The following NCAM2 variants were observed in gnomAD, a reference collection of about 807,000 sequenced individuals.
The protein encoded by NCAM2 is N-CAM-2.
Under a neutral mutation model 98.1 loss-of-function variants are expected in NCAM2, and 30 were observed. The ratio of observed to expected loss-of-function variants is 0.31; its 90% CI spans 0.23 to 0.41. NCAM2 has a LOEUF of 0.41. Ranked by LOEUF, NCAM2 falls within the 10% of genes least tolerant of loss-of-function variation. The pLI is 1.00. For synonymous variants in NCAM2, 368 were observed against 342.4 expected (o/e 1.07, Z -0.83); for missense variants, 867 against 1,005.8 (o/e 0.86, Z 1.87).
At chr21:21,439,444 A>G (rs2146072558) in intron 12 of NCAM2, among the ~76,000 whole-genome samples, 1 of 152,256 alleles carries the variant, frequency 6.6e-6, no homozygotes, top group African/African-American at 2.4e-5. Context: ...GTTTAATTTT[A>G]GCAAAAGTTT....
intron 1 of NCAM2, among the ~76,000 whole-genome samples, chr21:21,242,413 G>T (rs1275861899): frequency 6.6e-6 from 1 of 152,076 alleles, no homozygotes; most frequent in African/African-American, 2.4e-5. Context: ...TAGTCATTCT[G>T]TACAATAGAT....
Position 21,530,224 on chromosome 21 carries a change from TTA to T in NCAM2, c.2283-4305_2283-4304del, listed in dbSNP as rs1309403506. Among the ~76,000 whole-genome samples the T allele has an allele frequency of 1.8e-4, 13 of 70,968 alleles. 2 individuals are homozygous for T. Among genetic ancestry groups the T allele is most frequent in the African/African-American group, 7.4e-4 (13 of 17,540 alleles). 46.6% of individuals were successfully genotyped at this position (70,968 alleles called of 152,430 possible). A position where few individuals can be genotyped will look rare whatever the true frequency, so the allele number is the denominator to read the frequency against. On this transcript the variant is annotated intron_variant, in intron 16 of 17. Coordinates refer to ENST00000400546, the MANE Select transcript of NCAM2 (RefSeq NM_004540.5). ...TTATATATAATTTAATTTAATTTAA[TTA>T]TATATATTTAATTTAAATTAATTAT...
chr21:21,338,777 A>T (rs1362181282), intron 8 of NCAM2, among the ~76,000 whole-genome samples: 1 of 152,276 alleles, frequency 6.6e-6, no homozygotes, highest in South Asian at 2.1e-4. Flanking sequence ...TATTGGTATT[A>T]CTAGCATTGC....
At chr21:21,490,940 G>A (rs1446474931) in intron 15 of NCAM2, among the ~76,000 whole-genome samples, 2 of 151,802 alleles carry the variant, frequency 1.3e-5, no homozygotes, top group African/African-American at 4.8e-5. Context: ...CTGTACCTCT[G>A]TGTCTCCATT....
intron 1 of NCAM2, among the ~76,000 whole-genome samples, chr21:21,145,267 AAAAC>A (rs1365366496): frequency 6.6e-6 from 1 of 152,194 alleles, no homozygotes; most frequent in East Asian, 1.9e-4. Context: ...TATAACAAGA[AAAAC>A]AACAAAAACA....
At chr21:21,428,230 C>T (rs3787607) in intron 11 of NCAM2, among the ~76,000 whole-genome samples, 2,636 of 152,192 alleles carry the variant, frequency 0.017, 70 homozygotes, top group East Asian at 0.13. Flanking sequence ...GGATATAAGA[C>T]ACTAGAAAAT....
chr21:21,431,132 T>G (rs1216690506), intron 11 of NCAM2, among the ~76,000 whole-genome samples: 3 of 149,964 alleles, frequency 2.0e-5, no homozygotes, highest in Admixed American at 6.7e-5. Context: ...TTTGTGTGTG[T>G]GTGTGTGTGT....
intron 1 of NCAM2, among the ~76,000 whole-genome samples, chr21:21,078,210 GA>G (rs2065720240): frequency 6.6e-6 from 1 of 152,064 alleles, no homozygotes. Flanking sequence ...TTTTATTAGG[GA>G]AAAATATAGT....
rs748796317 is a variant in NCAM2, at chr21:21,284,369, A to G, written c.306A>G (p.Thr102=). ...AAGCAACAGATGCCAAAGGACAAAC[A>G]CAAGAAGCTACAGTAGTTTTGGAAA... is the stretch of plus-strand genomic sequence containing the variant. ...RCQATDAKGQ[T]QEATVVLEIY... Residue 102 remains threonine (T), a synonymous_variant, in exon 3 of 18, where the codon ACA becomes ACG. Coordinates refer to ENST00000400546, the MANE Select transcript of NCAM2 (RefSeq NM_004540.5). 6.2e-6 allele frequency: 10 copies of G among 1,612,418 alleles called. No individual in the cohort carries two copies. In the South Asian group the frequency reaches 9.9e-5, roughly 16 times the overall value.
intron 6 of NCAM2, among the ~76,000 whole-genome samples, chr21:21,326,557 AT>A (rs754371351): frequency 4.6e-5 from 7 of 151,580 alleles, no homozygotes; most frequent in Admixed American, 2.0e-4. Context: ...TTCTGCAGAG[AT>A]TTTTTTTTCT....
rs548252896 is a variant in NCAM2, at chr21:21,061,077, GA to G, written c.55+62463del. ...AAGGAGTAAGGATTGTATAAGGTGT[GA>G]AAATATGTGACGTTTCAGAGTAGCA... is the stretch of plus-strand genomic sequence containing the variant. On this transcript the variant is annotated intron_variant, in intron 1 of 17. Coordinates refer to ENST00000400546, the MANE Select transcript of NCAM2 (RefSeq NM_004540.5). Among the ~76,000 whole-genome samples, 5 of 152,230 alleles carry G rather than the reference GA, an allele frequency of 3.3e-5. No individual in the cohort carries two copies. The South Asian group carries it at 8.3e-4, about 25-fold the overall frequency.
At chr21:21,172,290 A>C (rs1207467135) in intron 1 of NCAM2, among the ~76,000 whole-genome samples, 1 of 152,138 alleles carries the variant, frequency 6.6e-6, no homozygotes, top group Non-Finnish European at 1.5e-5. Flanking sequence ...ACCCTTATTT[A>C]AGAATATTAT....
intron 9 of NCAM2, among the ~76,000 whole-genome samples, chr21:21,386,165 G>A (rs2076267347): frequency 6.6e-6 from 1 of 152,056 alleles, no homozygotes; most frequent in African/African-American, 2.4e-5. Flanking sequence ...GAATATAACA[G>A]TGGATGTACA....
chr21:21,487,247 C>T (rs912368964), intron 15 of NCAM2, among the ~76,000 whole-genome samples: 1 of 152,070 alleles, frequency 6.6e-6, no homozygotes, highest in African/African-American at 2.4e-5. Flanking sequence ...AGACAGTTTA[C>T]TTGTTTATTT....
intron 1 of NCAM2, among the ~76,000 whole-genome samples, chr21:21,187,211 G>T (rs370778293): frequency 6.6e-6 from 1 of 152,040 alleles, no homozygotes; most frequent in South Asian, 2.1e-4. Flanking sequence ...GCGACAGAGC[G>T]AAACTCCGTC....
intron 17 of NCAM2, 48 bp from the exon 18 acceptor site, chr21:21,537,798 C>T (rs367586007): frequency 2.1e-6 from 2 of 974,068 alleles, no homozygotes; most frequent in Non-Finnish European, 3.1e-6. Context: ...TAAGGTACGT[C>T]TCCTTAAATA....
At chr21:21,242,676 A>G (rs576004827) in intron 1 of NCAM2, among the ~76,000 whole-genome samples, 4 of 152,260 alleles carry the variant, frequency 2.6e-5, no homozygotes, top group Non-Finnish European at 5.9e-5. Flanking sequence ...CTTCCTTTTC[A>G]GCTGAATAGT....
chr21:21,264,913 T>C (rs201838698), intron 1 of NCAM2, among the ~76,000 whole-genome samples: 47 of 88,418 alleles, frequency 5.3e-4, no homozygotes, highest in Non-Finnish European at 8.0e-4. Context: ...TATATACACA[T>C]ATATTAGATA....
chr21:21,437,109 G>A lies in NCAM2; in HGVS notation c.1654+4828G>A, dbSNP rs77738883. ...TTTTAAATGGAAACTAAGGTTCAAA[G>A]TGTTTATGAGAGATTAACACACTTT... On this transcript the variant is annotated intron_variant, in intron 12 of 17. Transcript: ENST00000400546. 2.7e-3 allele frequency among the ~76,000 whole-genome samples: 414 copies of A among 152,154 alleles called. 3 individuals carry two copies. Among genetic ancestry groups the A allele is most frequent in the African/African-American group, 9.4e-3 (392 of 41,512 alleles).
Sources: allele counts gnomAD v4.1 joint callset (sites outside exome capture counted in the v4.1 genomes callset), GRCh38; gene constraint gnomAD v4.1.1; transcripts MANE v1.5; gene names NCBI Gene and HGNC (gene_info 2026-07-23, HGNC 2026-07-21).